The following SYNDIG1 variants were observed in gnomAD, a reference collection of about 807,000 sequenced individuals.
SYNDIG1 encodes the protein synapse differentiation inducing 1.
In SYNDIG1, 9 loss-of-function variants were observed where a neutral mutation model predicts 19.4. That is an observed-to-expected ratio of 0.46 (90% confidence interval 0.28 to 0.81). The LOEUF (loss-of-function observed/expected upper bound fraction) is 0.81. Among genes scored for constraint, SYNDIG1 ranks in the 30% least tolerant of loss-of-function variants. The probability of loss-of-function intolerance (pLI) is 0.12; values close to 1 mark genes in which losing one functional copy is unlikely to be tolerated. For synonymous variants in SYNDIG1, 141 were observed against 145.9 expected, an observed-to-expected ratio of 0.97 and a Z score of 0.24; for missense variants, 311 against 343.3, an observed-to-expected ratio of 0.91 and a Z score of 0.74.
chr20:24,610,457 G>A (rs181241118), intron 3 of SYNDIG1, among the ~76,000 whole-genome samples: 66 of 152,306 alleles, frequency 4.3e-4, no homozygotes, highest in Non-Finnish European at 9.0e-4. Context: ...CACACGGGGG[G>A]GCGAGTGCTA....
intron 2 of SYNDIG1, 85 bp downstream of exon 2, chr20:24,543,662 A>C: frequency 1.3e-6 from 2 of 1,529,578 alleles, no homozygotes; most frequent in Non-Finnish European, 1.8e-6. Flanking sequence ...GCCTGGCAAA[A>C]GTTAGGGAAT....
rs143591265 is a variant in SYNDIG1 at position 24,564,921 on chromosome 20, G to T, written c.481-19935G>T. Among the ~76,000 whole-genome samples, 353 of 152,294 alleles carry T rather than the reference G, an allele frequency of 2.3e-3. 1 individual carries two copies. Among genetic ancestry groups the T allele is most frequent in the African/African-American group, 7.9e-3 (329 of 41,560 alleles). ...GTTTTCCTCCTGGATAATGAAGCCC[G>T]CATTGTGCCCCATGTACCAGACCCC... On this transcript the variant is annotated intron_variant, in intron 2 of 3. Transcript: ENST00000376862.
At chr20:24,495,675 T>A (rs772840629) in intron 1 of SYNDIG1, 34 of 152,212 alleles carry the variant, frequency 2.2e-4, no homozygotes, top group Non-Finnish European at 8.8e-5. Flanking sequence ...GTCCTAGGGC[T>A]AGGACTTCAC....
intron 2 of SYNDIG1, among the ~76,000 whole-genome samples, chr20:24,555,676 A>G (rs1299569030): frequency 1.7e-4 from 26 of 152,164 alleles, no homozygotes; most frequent in Non-Finnish European, 1.6e-4. Flanking sequence ...GAGATAGTTT[A>G]TTATAATTTC....
intron 2 of SYNDIG1, among the ~76,000 whole-genome samples, chr20:24,575,190 G>T (rs976852054): frequency 6.6e-6 from 1 of 152,224 alleles, no homozygotes; most frequent in Non-Finnish European, 1.5e-5. Flanking sequence ...TTGAAAGGGA[G>T]TTCAAGTCTC....
chr20:24,630,004 A>C (rs2059216128), intron 3 of SYNDIG1, among the ~76,000 whole-genome samples: 1 of 152,202 alleles, frequency 6.6e-6, no homozygotes. Context: ...AGCGGAGTCC[A>C]AGCCCAGCCC....
At position 24,481,089 on chromosome 20, in the gene SYNDIG1, C is replaced by T. The variant is rs1012447872; in HGVS notation, c.-79+11336C>T. ...TACTTAGCACACTAAGAAATGGTTA[C>T]GATTATGTAAATTTTATGTTGTGTG... On this transcript the variant is annotated intron_variant, in intron 1 of 3. Transcript: ENST00000376862. 1.1e-4 allele frequency among the ~76,000 whole-genome samples: 17 copies of T among 151,860 alleles called. 1 individual carries two copies. The highest frequency in any genetic ancestry group is 3.4e-4 in the African/African-American group (14 of 41,278).
intron 2 of SYNDIG1, among the ~76,000 whole-genome samples, chr20:24,574,876 C>T (rs1265587132): frequency 1.3e-5 from 2 of 152,184 alleles, no homozygotes; most frequent in African/African-American, 2.4e-5. Flanking sequence ...TCCCTAGGGC[C>T]GTCGTTAGGT....
chr20:24,511,245 A>C (rs1487297427), intron 1 of SYNDIG1, among the ~76,000 whole-genome samples: 4 of 152,144 alleles, frequency 2.6e-5, no homozygotes, highest in African/African-American at 9.7e-5. Flanking sequence ...GTCATTATGC[A>C]TTTCCTGAAG....
At chr20:24,470,015 G>A (rs1283513495) in intron 1 of SYNDIG1, among the ~76,000 whole-genome samples, 1 of 152,208 alleles carries the variant, frequency 6.6e-6, no homozygotes, top group Admixed American at 6.5e-5. Flanking sequence ...AAATGCCCAG[G>A]AAGGGGTCGA....
At chr20:24,628,870 C>G (rs1040908658) in intron 3 of SYNDIG1, among the ~76,000 whole-genome samples, 3 of 152,200 alleles carry the variant, frequency 2.0e-5, no homozygotes, top group African/African-American at 7.2e-5. Context: ...TTTCCAGTCT[C>G]CACGCTTTGC....
At chr20:24,504,622 T>G (rs1848442501) in intron 1 of SYNDIG1, among the ~76,000 whole-genome samples, 1 of 152,170 alleles carries the variant, frequency 6.6e-6, no homozygotes, top group Non-Finnish European at 1.5e-5. Context: ...GTTTTCAGTT[T>G]TCTTCAGAAT....
At chr20:24,611,820 G>A (rs2058853133) in intron 3 of SYNDIG1, among the ~76,000 whole-genome samples, 1 of 152,214 alleles carries the variant, frequency 6.6e-6, no homozygotes, top group Non-Finnish European at 1.5e-5. Context: ...AGAATCATAG[G>A]GAATCTGGCC....
chr20:24,568,882 A>G (rs555110757), intron 2 of SYNDIG1, among the ~76,000 whole-genome samples: 13 of 152,332 alleles, frequency 8.5e-5, no homozygotes, highest in African/African-American at 2.9e-4. Flanking sequence ...CCCCCTGTTC[A>G]TACATGTCAC....
intron 1 of SYNDIG1, among the ~76,000 whole-genome samples, chr20:24,508,900 C>A (rs1210852333): frequency 6.6e-6 from 1 of 152,148 alleles, no homozygotes; most frequent in African/African-American, 2.4e-5. Context: ...ATGTTACTAC[C>A]AGGTCAACAA....
At chr20:24,589,766 G>T (rs572519475) in intron 3 of SYNDIG1, among the ~76,000 whole-genome samples, 120 of 152,324 alleles carry the variant, frequency 7.9e-4, no homozygotes, top group African/African-American at 2.7e-3. Context: ...TGAGAAAAGG[G>T]TATTAGGAAG....
rs115714130 is a variant in SYNDIG1 at position 24,589,625 on chromosome 20, G to T, written c.618+4632G>T. 3.4e-3 allele frequency among the ~76,000 whole-genome samples: 517 copies of T among 152,370 alleles called. 1 individual carries two copies. The highest frequency in any genetic ancestry group is 0.011 in the African/African-American group (452 of 41,596). On this transcript the variant is annotated intron_variant, in intron 3 of 3. Transcript: ENST00000376862. The stretch of plus-strand genomic sequence containing the variant: ...TTGGGCCTGGACCTGCGCCGGGCAG[G>T]CCCGAGGGTTCCTGTGTTGACTGTG...
intron 1 of SYNDIG1, among the ~76,000 whole-genome samples, chr20:24,522,833 A>C (rs993482130): frequency 6.6e-6 from 1 of 152,200 alleles, no homozygotes; most frequent in Admixed American, 6.5e-5. Flanking sequence ...GGCAGCCAAC[A>C]TGTCACCTGG....
At chr20:24,476,447 C>G (rs567620750) in intron 1 of SYNDIG1, among the ~76,000 whole-genome samples, 1 of 152,040 alleles carries the variant, frequency 6.6e-6, no homozygotes, top group Non-Finnish European at 1.5e-5. Flanking sequence ...GCGGGCAGAT[C>G]CCTTGAGGTC....
Sources: allele counts gnomAD v4.1 joint callset (sites outside exome capture counted in the v4.1 genomes callset), GRCh38; gene constraint gnomAD v4.1.1; transcripts MANE v1.5; gene names NCBI Gene and HGNC (gene_info 2026-07-23, HGNC 2026-07-21).